The following PLCE1 variants were observed in gnomAD, a reference collection of about 807,000 sequenced individuals.
PLCE1 encodes phospholipase C epsilon 1, also known as 1-phosphatidylinositol 4,5-bisphosphate phosphodiesterase epsilon-1.
A neutral mutation model predicts 242.8 loss-of-function variants in PLCE1; 119 were observed. The ratio of observed to expected loss-of-function variants is 0.49; its 90% CI spans 0.42 to 0.57. PLCE1 has a LOEUF of 0.57. PLCE1 is among the 20% of genes least tolerant of loss of function. The probability of loss-of-function intolerance (pLI) is 0.00; values close to 1 mark genes in which losing one functional copy is unlikely to be tolerated. For synonymous variants in PLCE1, 945 were observed against 1,017.4 expected (o/e 0.93, Z 1.35); for missense variants, 2,441 against 2,788.8 (o/e 0.88, Z 2.81).
In PLCE1 at chr10:94,099,437, C is replaced by T. The variant is rs576833082; in HGVS notation, c.1207-32737C>T. 3.3e-5 allele frequency among the ~76,000 whole-genome samples: 5 copies of T among 152,326 alleles called. No individual in the cohort carries two copies. The East Asian group carries it at 9.6e-4, about 29-fold the overall frequency. On this transcript the variant is annotated intron_variant, in intron 2 of 32. Coordinates refer to ENST00000371380, the MANE Select transcript of PLCE1 (RefSeq NM_016341.4). ...AACTGAGGCTTAGAGAAGCAGTTTG[C>T]ATACATTTACCTACTTAGTGAATTA...
intron 4 of PLCE1, among the ~76,000 whole-genome samples, chr10:94,226,495 A>T (rs943065396): frequency 3.9e-5 from 6 of 152,138 alleles, no homozygotes; most frequent in African/African-American, 1.5e-4. Context: ...CTCCTGGCAC[A>T]TAATAAGTGC....
At chr10:94,291,043 G>A (rs1203824276) in intron 22 of PLCE1, among the ~76,000 whole-genome samples, 1 of 152,210 alleles carries the variant, frequency 6.6e-6, no homozygotes, top group African/African-American at 2.4e-5. Context: ...GCTAATGACT[G>A]TACATCGCTT....
chr10:94,161,214 A>T (rs562142265), intron 3 of PLCE1, among the ~76,000 whole-genome samples: 19 of 152,302 alleles, frequency 1.2e-4, no homozygotes, highest in African/African-American at 4.1e-4. Context: ...TGGTAGCTTG[A>T]TGGGGATGGC....
At chr10:94,275,187 C>A (rs1362574796) in intron 19 of PLCE1, among the ~76,000 whole-genome samples, 1 of 152,110 alleles carries the variant, frequency 6.6e-6, no homozygotes, top group East Asian at 1.9e-4. Context: ...ATCTTCCTTC[C>A]TTTTCCTCCT....
chr10:94,278,091 A>G (rs2052030894), intron 19 of PLCE1, among the ~76,000 whole-genome samples: 1 of 152,222 alleles, frequency 6.6e-6, no homozygotes, highest in Non-Finnish European at 1.5e-5. Context: ...CTGGATATGG[A>G]CACAGCCTAA....
At chr10:93,997,882 GGT>G (rs2060858585) in intron 1 of PLCE1, among the ~76,000 whole-genome samples, 1 of 152,140 alleles carries the variant, frequency 6.6e-6, no homozygotes, top group Admixed American at 6.5e-5. Flanking sequence ...GGTGGGTACT[GGT>G]GAAACCATTG....
At chr10:94,091,304 A>G (rs1318630458) in intron 2 of PLCE1, among the ~76,000 whole-genome samples, 1 of 152,224 alleles carries the variant, frequency 6.6e-6, no homozygotes, top group Admixed American at 6.5e-5. Flanking sequence ...ACAGTACAAA[A>G]AGGGTAAACA....
chr10:94,163,453 G>A (rs2047685180), intron 3 of PLCE1, among the ~76,000 whole-genome samples: 1 of 152,142 alleles, frequency 6.6e-6, no homozygotes, highest in Non-Finnish European at 1.5e-5. Flanking sequence ...TCTAAAGTCT[G>A]TTTTATCAGA....
intron 2 of PLCE1, among the ~76,000 whole-genome samples, chr10:94,069,956 A>G (rs183001560): frequency 2.0e-5 from 3 of 152,204 alleles, no homozygotes; most frequent in Non-Finnish European, 2.9e-5. Context: ...TCAGAGCTCA[A>G]CTGGCAACTC....
chr10:94,135,592 G>A (rs548813324), intron 3 of PLCE1, among the ~76,000 whole-genome samples: 2 of 152,320 alleles, frequency 1.3e-5, no homozygotes, highest in Non-Finnish European at 2.9e-5. Flanking sequence ...TGGATAAGCA[G>A]TATTAAATGT....
chr10:94,034,235 T>C (rs552846099), intron 2 of PLCE1, among the ~76,000 whole-genome samples: 1 of 152,282 alleles, frequency 6.6e-6, no homozygotes, highest in African/African-American at 2.4e-5. Flanking sequence ...ACATGGAGAT[T>C]ATTACAATTT....
chr10:94,120,305 G>T (rs1316116498), intron 2 of PLCE1, among the ~76,000 whole-genome samples: 1 of 152,164 alleles, frequency 6.6e-6, no homozygotes, highest in Non-Finnish European at 1.5e-5. Flanking sequence ...GTTGAATATG[G>T]CTCTACCCTT....
chr10:94,301,729 C>T (rs2053045246), intron 24 of PLCE1, among the ~76,000 whole-genome samples: 1 of 152,190 alleles, frequency 6.6e-6, no homozygotes, highest in Non-Finnish European at 1.5e-5. Flanking sequence ...TAGAAACTGA[C>T]GTGAGGCTGG....
At chr10:94,263,656 C>G (rs913828463) in intron 14 of PLCE1, among the ~76,000 whole-genome samples, 1 of 151,878 alleles carries the variant, frequency 6.6e-6, no homozygotes, top group African/African-American at 2.4e-5. Context: ...ATCACACCAC[C>G]GCACACCAGT....
intron 24 of PLCE1, among the ~76,000 whole-genome samples, chr10:94,304,192 T>C (rs1353648156): frequency 2.0e-5 from 3 of 152,184 alleles, no homozygotes; most frequent in Non-Finnish European, 4.4e-5. Flanking sequence ...CAAAGGAGTT[T>C]TTAAGTGATT....
intron 2 of PLCE1, among the ~76,000 whole-genome samples, chr10:94,129,365 A>G (rs924629802): frequency 6.6e-6 from 1 of 152,252 alleles, no homozygotes; most frequent in African/African-American, 2.4e-5. Context: ...AAATTAAAAT[A>G]CTTTGTTTAC....
intron 4 of PLCE1, among the ~76,000 whole-genome samples, chr10:94,226,297 C>G (rs2049935514): frequency 6.6e-6 from 1 of 152,192 alleles, no homozygotes. Context: ...TGTGTAAACA[C>G]ATCAGGCATT....
intron 2 of PLCE1, among the ~76,000 whole-genome samples, chr10:94,035,901 G>A (rs533249574): frequency 5.9e-5 from 9 of 152,194 alleles, no homozygotes; most frequent in African/African-American, 9.6e-5. Flanking sequence ...ATATGTGTCC[G>A]TTCTGGTTCC....
Position 94,236,041 on chromosome 10 carries a change from C to G in PLCE1, c.2341C>G (p.Leu781Val). Residue 781 changes from leucine (L) to valine (V), a missense_variant, in exon 7 of 33, where the codon CTG (leucine) becomes GTG (valine). By Grantham distance (32) the Leu-to-Val change is conservative (BLOSUM62 1). Around this residue, in one of 5 missense-constraint regions of PLCE1, gnomAD observed 733 missense variants for 754.2 expected, o/e 0.97. Coordinates refer to ENST00000371380, the MANE Select transcript of PLCE1 (RefSeq NM_016341.4). ...GGTCATCCGGAGCTGCAATCGAAGTCTGGAGACAGACGAGGAGGACAGCCC... is the reference window on the plus strand; with the variant it reads ...GGTCATCCGGAGCTGCAATCGAAGTGTGGAGACAGACGAGGAGGACAGCCC... ...FQVIRSCNRS[L>V]ETDEEDSPSE... 7.4e-6 allele frequency: 12 copies of G among 1,614,082 alleles called. No individual in the cohort carries two copies. Among genetic ancestry groups the G allele is most frequent in the Non-Finnish European group, 9.3e-6 (11 of 1,179,994 alleles).
Sources: gnomAD v4.1 joint callset for allele counts (sites outside exome capture counted in the v4.1 genomes callset) on GRCh38, gnomAD v4.1.1 for gene constraint, gnomAD v4.1.1 regional missense constraint, MANE v1.5 for transcripts, NCBI Gene and HGNC (gene_info 2026-07-23, HGNC 2026-07-21) for gene names.